The following VPS13B variants were observed in gnomAD, a reference collection of about 807,000 sequenced individuals.
VPS13B encodes the protein vacuolar protein sorting 13 homolog B, also known as intermembrane lipid transfer protein VPS13B.
In VPS13B, 285 loss-of-function variants were observed where a neutral mutation model predicts 426.4. That is an observed-to-expected ratio of 0.67 (90% CI 0.61 to 0.74). The LOEUF (loss-of-function observed/expected upper bound fraction) is 0.74, where lower values mean the gene tolerates loss of function less well. Ranked by LOEUF, VPS13B falls within the 30% of genes least tolerant of loss-of-function variation. The pLI is 0.00. For synonymous variants in VPS13B, 1,676 were observed against 1,676.4 expected, an observed-to-expected ratio of 1.00 and a Z score of 0.01; for missense variants, 4,537 against 4,782.6, an observed-to-expected ratio of 0.95 and a Z score of 1.51.
chr8:99,437,497 G>A (rs1040930246), intron 22 of VPS13B, among the ~76,000 whole-genome samples: 14 of 151,660 alleles, frequency 9.2e-5, no homozygotes, highest in African/African-American at 3.1e-4. Context: ...GCAGGCAGAC[G>A]ACTTGAGGTT....
In VPS13B at chr8:99,766,778, C is replaced by A; in HGVS notation, c.7055C>A (p.Pro2352His). Residue 2352 changes from proline (P) to histidine (H), a missense_variant, in exon 40 of 62, where the codon CCT becomes CAT. Pro to His is a moderately conservative substitution (Grantham distance 77). This residue lies in a region of VPS13B where 4,311 missense variants were observed against 4,474.3 expected (regional missense o/e 0.96). Transcript: ENST00000357162. ...TADLGDVLQV[P>H]CSLEYWDELQ... ...ATTTTTTTTATTTTAACATAGGTTC[C>A]TTGTAGCTTGGAATACTGGGATGAA... is the stretch of plus-strand genomic sequence containing the variant. 6.2e-7 allele frequency: 1 copy of A among 1,613,254 alleles called. No homozygotes were observed. Among genetic ancestry groups the A allele is most frequent in the Non-Finnish European group, 8.5e-7 (1 of 1,179,806 alleles).
intron 1 of VPS13B, among the ~76,000 whole-genome samples, 167 bp from the exon 2 acceptor site, chr8:99,013,593 G>C (rs1042422872): frequency 6.6e-6 from 1 of 152,192 alleles, no homozygotes; most frequent in Non-Finnish European, 1.5e-5. Flanking sequence ...TGTTGTACTT[G>C]TGAGGAAGTC....
rs386413466 is a variant in VPS13B at position 99,737,106 on chromosome 8, CTTTTTTTTTTTTTTTTTTT to C, written c.7050+16073_7050+16091del. Among the ~76,000 whole-genome samples the C allele has an allele frequency of 1.1e-4, 5 of 44,360 alleles. No homozygotes were observed. The South Asian group carries it at 6.4e-3, about 56-fold the overall frequency. 29.1% of individuals were successfully genotyped at this position (44,360 alleles called of 152,430 possible). A position where few individuals can be genotyped will look rare whatever the true frequency, so the allele number is the denominator to read the frequency against. On this transcript the variant is annotated intron_variant, in intron 39 of 61. Transcript: ENST00000357162. ...CAGGAAAGCCTTTGAAGATGTCCTT[CTTTTTTTTTTTTTTTTTTT>C]TTTTTTTTTTTTTGAGACAGAGTCT...
chr8:99,352,111 C>T (rs943636273), intron 19 of VPS13B, among the ~76,000 whole-genome samples: 10 of 152,164 alleles, frequency 6.6e-5, no homozygotes, highest in Non-Finnish European at 1.2e-4. Flanking sequence ...TGCCCTCCTC[C>T]TGTGGAATCA....
intron 25 of VPS13B, among the ~76,000 whole-genome samples, chr8:99,483,169 C>T (rs1820132283): frequency 6.6e-6 from 1 of 152,168 alleles, no homozygotes; most frequent in Non-Finnish European, 1.5e-5. Context: ...AAGCATTTAA[C>T]ACTTTAGAGT....
In VPS13B at chr8:99,550,889, C is replaced by T. The variant is rs557952231; in HGVS notation, c.4746-5561C>T. Among the ~76,000 whole-genome samples, 66 of 151,892 alleles carry T rather than the reference C, an allele frequency of 4.3e-4. 1 individual carries two copies. Among genetic ancestry groups the T allele is most frequent in the Non-Finnish European group, 6.5e-4 (44 of 67,960 alleles). On this transcript the variant is annotated intron_variant, in intron 30 of 61. Coordinates refer to ENST00000357162, the MANE Select transcript of VPS13B (RefSeq NM_152564.5). ...ATATCTAACTGAATTGTATTGTGCT[C>T]AGAGGATACAGTCTATATGATACTA... is the stretch of plus-strand genomic sequence containing the variant.
chr8:99,820,587 A>T (rs1814302634), intron 49 of VPS13B, among the ~76,000 whole-genome samples: 1 of 152,128 alleles, frequency 6.6e-6, no homozygotes, highest in Non-Finnish European at 1.5e-5. Context: ...ATAATTATGG[A>T]TGTCTACCCA....
At chr8:99,530,630 ATAGTAGCAGCAGCAG>A (rs1025190574) in intron 30 of VPS13B, among the ~76,000 whole-genome samples, 12 of 151,476 alleles carry the variant, frequency 7.9e-5, no homozygotes, top group Non-Finnish European at 1.2e-4. Flanking sequence ...AAAAAAAAAA[ATAGTAGCAGCAGCAG>A]TAGTAGCAGC....
intron 56 of VPS13B, among the ~76,000 whole-genome samples, chr8:99,854,523 C>T (rs560364231): frequency 2.6e-5 from 4 of 152,276 alleles, no homozygotes; most frequent in East Asian, 3.9e-4. Flanking sequence ...GATGAAAGTA[C>T]GTGAGGTACC....
intron 30 of VPS13B, among the ~76,000 whole-genome samples, chr8:99,526,124 A>G (rs1822630339): frequency 6.6e-6 from 1 of 152,138 alleles, no homozygotes. Context: ...GATGGGGATC[A>G]CCAGCAGGGA....
At chr8:99,633,906 T>C (rs1459748490) in intron 33 of VPS13B, among the ~76,000 whole-genome samples, 1 of 151,420 alleles carries the variant, frequency 6.6e-6, no homozygotes, top group African/African-American at 2.4e-5. Flanking sequence ...CTAGTATAAA[T>C]CAATTAGATC....
At chr8:99,280,567 G>A (rs973865922) in intron 19 of VPS13B, among the ~76,000 whole-genome samples, 15 of 152,026 alleles carry the variant, frequency 9.9e-5, no homozygotes, top group African/African-American at 3.6e-4. Flanking sequence ...GATGTTCAAG[G>A]GTATAAATTT....
At chr8:99,628,887 C>T (rs1429581913) in intron 33 of VPS13B, among the ~76,000 whole-genome samples, 2 of 152,002 alleles carry the variant, frequency 1.3e-5, no homozygotes, top group Non-Finnish European at 2.9e-5. Context: ...AAGCTATCCT[C>T]CCAAGTAGCT....
chr8:99,123,406 T>A (rs1848046023), intron 8 of VPS13B, among the ~76,000 whole-genome samples: 1 of 152,120 alleles, frequency 6.6e-6, no homozygotes, highest in South Asian at 2.1e-4. Context: ...GAATGTGGTA[T>A]GAAAGATAAG....
chr8:99,820,002 A>G lies in VPS13B; in HGVS notation c.8874A>G (p.Ile2958Met). Residue 2958 changes from isoleucine (I) to methionine (M), a missense_variant, in exon 49 of 62, where the codon ATA becomes ATG. Ile to Met is a conservative substitution (Grantham distance 10). Around this residue, in one of 2 missense-constraint regions of VPS13B, gnomAD observed 4,311 missense variants for 4,474.3 expected, o/e 0.96. Transcript: ENST00000357162. ...IWKPYVRTLL[I>M]ELLPWALLIN... ...AGCCATATGTTAGAACTTTGTTGAT[A>G]GAACTTCTGCCCTGGGCCCTGCTTA... 6.2e-7 allele frequency: 1 copy of G among 1,614,080 alleles called. No homozygotes were observed. Among genetic ancestry groups the G allele is most frequent in the Non-Finnish European group, 8.5e-7 (1 of 1,179,944 alleles).
At chr8:99,106,689 C>T (rs1847067598) in intron 5 of VPS13B, among the ~76,000 whole-genome samples, 1 of 152,192 alleles carries the variant, frequency 6.6e-6, no homozygotes, top group South Asian at 2.1e-4. Context: ...ATGAATGGAA[C>T]CATATGTATT....
chr8:99,516,037 C>T (rs1822050986), intron 29 of VPS13B, among the ~76,000 whole-genome samples: 1 of 152,122 alleles, frequency 6.6e-6, no homozygotes, highest in Non-Finnish European at 1.5e-5. Context: ...ATTGTACTTG[C>T]ATCTCTATCT....
intron 13 of VPS13B, 23 bp from the exon 14 acceptor site, chr8:99,147,818 A>T (rs767880650): frequency 1.4e-6 from 2 of 1,385,652 alleles, no homozygotes; most frequent in Non-Finnish European, 9.5e-7. Context: ...TTCTTTATTA[A>T]TTTTTTATCA....
At chr8:99,427,678 G>C (rs1390939405) in intron 21 of VPS13B, among the ~76,000 whole-genome samples, 1 of 151,810 alleles carries the variant, frequency 6.6e-6, no homozygotes, top group Non-Finnish European at 1.5e-5. Context: ...TCATGGGTAG[G>C]AAGAATCAAA....
Sources: gnomAD v4.1 joint callset for allele counts (sites outside exome capture counted in the v4.1 genomes callset) on GRCh38, gnomAD v4.1.1 for gene constraint, gnomAD v4.1.1 regional missense constraint, MANE v1.5 for transcripts, NCBI Gene and HGNC (gene_info 2026-07-23, HGNC 2026-07-21) for gene names.